SGMS2: variants seen among roughly 807,000 people sequenced by gnomAD.
The protein encoded by SGMS2 is sphingomyelin synthase 2.
Under a neutral mutation model 43.8 loss-of-function variants are expected in SGMS2, and 21 were observed. That is an observed-to-expected ratio of 0.48 (90% confidence interval 0.34 to 0.69). The LOEUF is 0.69. Among genes scored for constraint, SGMS2 ranks in the 30% least tolerant of loss-of-function variants. SGMS2 has a pLI of 0.01. For missense variants in SGMS2, 384 were observed against 443.2 expected (o/e 0.87, Z 1.20); for synonymous variants, 167 against 160.6 (o/e 1.04, Z -0.30).
chr4:107,844,019 A>G (rs780778264), intron 1 of SGMS2, among the ~76,000 whole-genome samples: 51 of 152,174 alleles, frequency 3.4e-4, no homozygotes, highest in Admixed American at 2.8e-3. Flanking sequence ...TAGTTTCAAG[A>G]GGTGATTAAA....
chr4:107,833,536 TAAAA>T (rs1726009429), intron 1 of SGMS2, among the ~76,000 whole-genome samples: 1 of 152,202 alleles, frequency 6.6e-6, no homozygotes, highest in Admixed American at 6.5e-5. Flanking sequence ...GGGTCGTAGT[TAAAA>T]CAGTCAAAAC....
At chr4:107,909,088 A>C (rs1386145986) in intron 6 of SGMS2, among the ~76,000 whole-genome samples, 2 of 151,720 alleles carry the variant, frequency 1.3e-5, no homozygotes, top group African/African-American at 2.4e-5. Context: ...TTTAAGGAGA[A>C]GGTAACAGCT....
intron 2 of SGMS2, chr4:107,874,030 C>T (rs891583503): frequency 1.3e-5 from 2 of 152,292 alleles, no homozygotes; most frequent in Non-Finnish European, 1.5e-5. Context: ...CTCTTCTGAT[C>T]ACCTTCCGAA....
chr4:107,891,463 C>A (rs919839860), intron 2 of SGMS2, among the ~76,000 whole-genome samples: 1 of 151,568 alleles, frequency 6.6e-6, no homozygotes, highest in African/African-American at 2.4e-5. Context: ...GGGTCTCAGG[C>A]TGAAGACTGC....
Position 107,911,294 on chromosome 4 carries a change from A to T in SGMS2, c.*741A>T, listed in dbSNP as rs1732102596. 3 of 152,252 alleles carry T rather than the reference A, an allele frequency of 2.0e-5. No homozygotes were observed. The highest frequency in any genetic ancestry group is 7.2e-5 in the African/African-American group (3 of 41,462). The allele number at this position is 152,252 out of a possible 1,614,324, so 9.4% of individuals were successfully genotyped here. A position where few individuals can be genotyped will look rare whatever the true frequency, so the allele number is the denominator to read the frequency against. On this transcript the variant is annotated 3_prime_UTR_variant, in exon 7 of 7. Transcript: ENST00000690982. ...TCTCTATGACAGATACACAGGAAAC[A>T]TGAGATGGTTTCTGCTAATGAGTGG...
chr4:107,857,912 A>G (rs957046652), intron 1 of SGMS2, among the ~76,000 whole-genome samples: 1 of 152,026 alleles, frequency 6.6e-6, no homozygotes, highest in African/African-American at 2.4e-5. Flanking sequence ...CGTGCTTTCC[A>G]TTCTTTTTAA....
At chr4:107,850,475 C>G (rs1727075141) in intron 1 of SGMS2, among the ~76,000 whole-genome samples, 1 of 152,150 alleles carries the variant, frequency 6.6e-6, no homozygotes, top group Non-Finnish European at 1.5e-5. Flanking sequence ...GCTTTAGACT[C>G]TTTATGGAGG....
intron 2 of SGMS2, among the ~76,000 whole-genome samples, chr4:107,880,087 A>T (rs532155210): frequency 2.0e-5 from 3 of 152,320 alleles, no homozygotes; most frequent in Admixed American, 2.0e-4. Context: ...AAATCAAAAT[A>T]TCTGCCCTCT....
At chr4:107,837,223 G>A (rs1726238493) in intron 1 of SGMS2, among the ~76,000 whole-genome samples, 1 of 152,146 alleles carries the variant, frequency 6.6e-6, no homozygotes, top group South Asian at 2.1e-4. Context: ...TGTTGAGAGA[G>A]GAAAAGGTGT....
chr4:107,877,117 T>C (rs1028107331), intron 2 of SGMS2, among the ~76,000 whole-genome samples: 6 of 151,830 alleles, frequency 4.0e-5, no homozygotes, highest in African/African-American at 9.7e-5. Context: ...CTGGGGAACA[T>C]AGCAAGACCC....
At chr4:107,887,749 AAAAGGC>A (rs1395964791) in intron 2 of SGMS2, among the ~76,000 whole-genome samples, 2 of 152,252 alleles carry the variant, frequency 1.3e-5, no homozygotes, top group Admixed American at 6.5e-5. Context: ...CACAAGGATA[AAAAGGC>A]AAAACCTTCA....
chr4:107,880,044 C>A (rs1003469173), intron 2 of SGMS2, among the ~76,000 whole-genome samples: 5 of 152,168 alleles, frequency 3.3e-5, no homozygotes, highest in African/African-American at 9.7e-5. Context: ...GTAGTCCAAT[C>A]TGCCTTAATA....
intron 2 of SGMS2, among the ~76,000 whole-genome samples, chr4:107,870,506 T>C (rs1435747600): frequency 6.6e-6 from 1 of 152,230 alleles, no homozygotes; most frequent in Admixed American, 6.5e-5. Flanking sequence ...TTTTTCTTTG[T>C]TCTTAGAGCT....
intron 5 of SGMS2, among the ~76,000 whole-genome samples, chr4:107,905,406 TACAATTCA>T (rs1453649097): frequency 6.6e-6 from 1 of 152,144 alleles, no homozygotes; most frequent in Non-Finnish European, 1.5e-5. Context: ...TTATGGGAGC[TACAATTCA>T]AGATGAGATT....
intron 1 of SGMS2, among the ~76,000 whole-genome samples, chr4:107,858,172 T>G (rs1157814592): frequency 6.6e-6 from 1 of 152,222 alleles, no homozygotes; most frequent in Non-Finnish European, 1.5e-5. Context: ...GTTCCTGTGT[T>G]AGAACGCGAA....
At chr4:107,881,716 A>G (rs748433257) in intron 2 of SGMS2, among the ~76,000 whole-genome samples, 11 of 152,094 alleles carry the variant, frequency 7.2e-5, no homozygotes, top group Non-Finnish European at 1.5e-4. Context: ...CTATCTAACT[A>G]TATTTTTTTA....
At chr4:107,864,550 T>C (rs562105593) in intron 2 of SGMS2, 1 of 152,322 alleles carries the variant, frequency 6.6e-6, no homozygotes, top group South Asian at 2.1e-4. Context: ...TCTGGTCAGT[T>C]GTACAACATA....
intron 2 of SGMS2, among the ~76,000 whole-genome samples, chr4:107,876,627 A>G (rs1407769606): frequency 6.6e-6 from 1 of 152,226 alleles, no homozygotes; most frequent in Non-Finnish European, 1.5e-5. Context: ...AGAGGGAGCA[A>G]TCAATATGTG....
In SGMS2 at chr4:107,913,991, GAGA is replaced by G. The variant is rs1158290259; in HGVS notation, c.*3441_*3443del. 1 of 152,218 alleles carries G rather than the reference GAGA, an allele frequency of 6.6e-6. No homozygotes were observed. Among genetic ancestry groups the G allele is most frequent in the South Asian group, 2.1e-4 (1 of 4,820 alleles). The allele number at this position is 152,218 out of a possible 1,614,324, so 9.4% of individuals were successfully genotyped here. On this transcript the variant is annotated 3_prime_UTR_variant, in exon 7 of 7. Transcript: ENST00000690982. ...TAGCCTCTGTAGTGTAAGGAAGTGTGAGAAGGAGTTTCTTAATGAGTTTACACG... is the reference window on the plus strand; with the variant it reads ...TAGCCTCTGTAGTGTAAGGAAGTGTGAGGAGTTTCTTAATGAGTTTACACG...
Sources: gnomAD v4.1 joint callset for allele counts (sites outside exome capture counted in the v4.1 genomes callset) on GRCh38, gnomAD v4.1.1 for gene constraint, MANE v1.5 for transcripts, NCBI Gene and HGNC (gene_info 2026-07-23, HGNC 2026-07-21) for gene names.